The following BCAS3 variants were observed in gnomAD, a reference collection of about 807,000 sequenced individuals.
The protein encoded by BCAS3 is BCAS3 microtubule associated cell migration factor.
In BCAS3, 53 loss-of-function variants were observed where a neutral mutation model predicts 116.1. The observed-to-expected ratio is 0.46, with a 90% CI of 0.37 to 0.57. The LOEUF (loss-of-function observed/expected upper bound fraction) is 0.57, where lower values mean the gene tolerates loss of function less well. Ranked by LOEUF, BCAS3 falls within the 20% of genes least tolerant of loss-of-function variation. BCAS3 has a pLI of 0.00. For synonymous variants in BCAS3, 391 were observed against 408.2 expected, an observed-to-expected ratio of 0.96 and a Z score of 0.51; for missense variants, 917 against 1,165.4, an observed-to-expected ratio of 0.79 and a Z score of 3.10.
At chr17:60,973,999 A>G (rs1205994512) in intron 14 of BCAS3, among the ~76,000 whole-genome samples, 1 of 152,184 alleles carries the variant, frequency 6.6e-6, no homozygotes, top group Non-Finnish European at 1.5e-5. Flanking sequence ...TACCAGAGTT[A>G]TTATTTAAGT....
rs1015451839 is a variant in BCAS3 at position 61,378,860 on chromosome 17, CA to C, written c.2593+10367del. 1 of 152,322 alleles carries C rather than the reference CA, an allele frequency of 6.6e-6. No individual in the cohort carries two copies. The highest frequency in any genetic ancestry group is 2.4e-5 in the African/African-American group (1 of 41,468). 9.4% of individuals were successfully genotyped at this position (152,322 alleles called of 1,614,324 possible). On this transcript the variant is annotated intron_variant, in intron 23 of 23. Coordinates refer to ENST00000407086, the MANE Select transcript of BCAS3 (RefSeq NM_017679.5). The surrounding 1 kb of genome is among the most constrained non-coding windows in gnomAD (Gnocchi z 5.8). Reference sequence around the variant, plus strand: ...TCACTAAGGCTACTGGAAGCCCCGCCAGGGGCAGAGCTGTAATGGGAGTTTG... The same window carrying C: ...TCACTAAGGCTACTGGAAGCCCCGCCGGGGCAGAGCTGTAATGGGAGTTTG...
intron 22 of BCAS3, among the ~76,000 whole-genome samples, chr17:61,125,101 A>G (rs954582832): frequency 3.9e-5 from 6 of 152,218 alleles, no homozygotes; most frequent in African/African-American, 1.2e-4. Flanking sequence ...TTGAATGTCT[A>G]GGTATGTGTA....
At chr17:60,730,002 A>C (rs933990829) in intron 5 of BCAS3, among the ~76,000 whole-genome samples, 1 of 152,186 alleles carries the variant, frequency 6.6e-6, no homozygotes. Context: ...AGATCTTTTG[A>C]CTACCAAAGT....
chr17:61,024,051 T>C (rs1305797399), intron 16 of BCAS3, among the ~76,000 whole-genome samples: 2 of 152,170 alleles, frequency 1.3e-5, no homozygotes, highest in Admixed American at 6.5e-5. Flanking sequence ...TCATCTCACT[T>C]TAATACGAAA....
rs912143194 is a variant in BCAS3 at position 61,015,848 on chromosome 17, T to G, written c.1584T>G (p.Pro528=). ...TTCCCAGCTTGATGGTAGTGATGCC[T>G]CTTGCACAAATCAAGCAGCCAATGA... ...SPLPSLMVVM[P]LAQIKQPMTL... is the part of the protein sequence containing the mutation. Residue 528 remains proline (P), a synonymous_variant, in exon 16 of 24, where the codon CCT becomes CCG. Coordinates refer to ENST00000407086, the MANE Select transcript of BCAS3 (RefSeq NM_017679.5). 1.2e-6 allele frequency: 2 copies of G among 1,614,008 alleles called. No individual in the cohort carries two copies. Among genetic ancestry groups the G allele is most frequent in the African/African-American group, 2.7e-5 (2 of 74,916 alleles).
Position 61,104,468 on chromosome 17 carries a change from A to G in BCAS3, c.2425+19904A>G, listed in dbSNP as rs1297741644. Reference sequence around the variant, plus strand: ...TTGTTTCACTGTGGCACATAGGGCAAATGCCTTGGAACATCAGTAATTACT... The same window carrying G: ...TTGTTTCACTGTGGCACATAGGGCAGATGCCTTGGAACATCAGTAATTACT... On this transcript the variant is annotated intron_variant, in intron 22 of 23. Coordinates refer to ENST00000407086, the MANE Select transcript of BCAS3 (RefSeq NM_017679.5). This position sits in a 1 kb window ranked among gnomAD's most constrained non-coding sequence, Gnocchi z 4.1. 2.0e-5 allele frequency among the ~76,000 whole-genome samples: 3 copies of G among 152,330 alleles called. No homozygotes were observed. Among genetic ancestry groups the G allele is most frequent in the South Asian group, 4.1e-4 (2 of 4,828 alleles).
At chr17:61,185,272 A>G (rs1415226513) in intron 22 of BCAS3, among the ~76,000 whole-genome samples, 1 of 152,110 alleles carries the variant, frequency 6.6e-6, no homozygotes. Context: ...AAAATAAATA[A>G]TAAAATTGTA....
At chr17:61,311,456 G>T (rs2054298886) in intron 22 of BCAS3, among the ~76,000 whole-genome samples, 1 of 152,200 alleles carries the variant, frequency 6.6e-6, no homozygotes, top group Non-Finnish European at 1.5e-5. Context: ...CAGTCAGGCT[G>T]TTTGGTCTGT....
rs111369682 is a variant in BCAS3, at chr17:61,063,608, T to C, written c.2030-11312T>C. Among the ~76,000 whole-genome samples, 261 of 152,288 alleles carry C rather than the reference T, an allele frequency of 1.7e-3. 1 individual carries two copies. Among genetic ancestry groups the C allele is most frequent in the African/African-American group, 5.5e-3 (227 of 41,572 alleles). Reference sequence around the variant, plus strand: ...TGAAGAAATGCTTCAGGATCTTGTTTCCACTTGATTAAAATTTCCATTGAA... The same window carrying C: ...TGAAGAAATGCTTCAGGATCTTGTTCCCACTTGATTAAAATTTCCATTGAA... On this transcript the variant is annotated intron_variant, in intron 19 of 23. Coordinates refer to ENST00000407086, the MANE Select transcript of BCAS3 (RefSeq NM_017679.5). The surrounding 1 kb of genome is among the most constrained non-coding windows in gnomAD (Gnocchi z 5.3).
At chr17:61,334,790 G>A (rs1405986935) in intron 22 of BCAS3, among the ~76,000 whole-genome samples, 2 of 152,158 alleles carry the variant, frequency 1.3e-5, no homozygotes, top group African/African-American at 2.4e-5. Context: ...TGTATTTTTG[G>A]GAAACCTAAG....
intron 5 of BCAS3, among the ~76,000 whole-genome samples, chr17:60,717,067 G>A (rs563640902): frequency 4.7e-4 from 71 of 152,236 alleles, no homozygotes; most frequent in African/African-American, 1.7e-3. Flanking sequence ...TTTTATATAC[G>A]ATGGTCTGGG....
chr17:60,706,062 G>A (rs2037082738), intron 4 of BCAS3, among the ~76,000 whole-genome samples: 1 of 151,890 alleles, frequency 6.6e-6, no homozygotes, highest in East Asian at 1.9e-4. Flanking sequence ...AGACAAGGAT[G>A]AAGACTTTTT....
At position 61,134,505 on chromosome 17, in the gene BCAS3, T is replaced by G. The variant is rs1359624626; in HGVS notation, c.2425+49941T>G. ...TGTGACTCTGGTCAGTTAATCCATT[T>G]ATAAAATGAGAGTATTGGACTGAGC... On this transcript the variant is annotated intron_variant, in intron 22 of 23. Coordinates refer to ENST00000407086, the MANE Select transcript of BCAS3 (RefSeq NM_017679.5). This position sits in a 1 kb window ranked among gnomAD's most constrained non-coding sequence, Gnocchi z 4.6. Among the ~76,000 whole-genome samples the G allele has an allele frequency of 2.0e-5, 3 of 152,226 alleles. No homozygotes were observed. Among genetic ancestry groups the G allele is most frequent in the Non-Finnish European group, 4.4e-5 (3 of 68,028 alleles).
chr17:61,170,841 G>A (rs906683691), intron 22 of BCAS3, among the ~76,000 whole-genome samples: 6 of 151,882 alleles, frequency 4.0e-5, no homozygotes, highest in South Asian at 2.1e-4. Flanking sequence ...AGCTGTACAC[G>A]GAGAGAGAAC....
intron 22 of BCAS3, among the ~76,000 whole-genome samples, chr17:61,338,619 G>A (rs2056903141): frequency 6.6e-6 from 1 of 152,006 alleles, no homozygotes; most frequent in African/African-American, 2.4e-5. Flanking sequence ...GTGGAGGTAG[G>A]GGCTTTTGGA....
chr17:60,868,127 G>A (rs1003765367), intron 7 of BCAS3, among the ~76,000 whole-genome samples: 2 of 151,328 alleles, frequency 1.3e-5, no homozygotes, highest in Non-Finnish European at 2.9e-5. Flanking sequence ...AGGTTCAAGC[G>A]ATTCTCCTGC....
At position 60,863,482 on chromosome 17, in the gene BCAS3, C is replaced by T. The variant is rs377126012; in HGVS notation, c.477-5094C>T. 7.2e-5 allele frequency among the ~76,000 whole-genome samples: 11 copies of T among 151,950 alleles called. No homozygotes were observed. The East Asian group carries it at 1.3e-3, about 19-fold the overall frequency. ...TTATGTTTGGCTAGGCTCGGTGGCT[C>T]ATTCCTGTAATTCCAGCACTTTGGG... On this transcript the variant is annotated intron_variant, in intron 7 of 23. Transcript: ENST00000407086.
At position 61,020,215 on chromosome 17, in the gene BCAS3, G is replaced by C. The variant is rs555912129; in HGVS notation, c.1637+4314G>C. On this transcript the variant is annotated intron_variant, in intron 16 of 23. Coordinates refer to ENST00000407086, the MANE Select transcript of BCAS3 (RefSeq NM_017679.5). The surrounding 1 kb of genome is among the most constrained non-coding windows in gnomAD (Gnocchi z 4.5). ...AACTTAAACCTTAAGGGGACAAAAC[G>C]TGTGTTTACCATATTCAACATCTGC... 6.6e-6 allele frequency among the ~76,000 whole-genome samples: 1 copy of C among 152,162 alleles called. No homozygotes were observed. The highest frequency in any genetic ancestry group is 1.5e-5 in the Non-Finnish European group (1 of 68,030).
In BCAS3 at chr17:60,958,803, A is replaced by G. The variant is rs545538699; in HGVS notation, c.1221+11451A>G. On this transcript the variant is annotated intron_variant, in intron 14 of 23. Transcript: ENST00000407086. ...TATATCAAGACTTACTAAAACTACAATAATCAGTAGGGATCCTGTGACCAT... is the reference window on the plus strand; with the variant it reads ...TATATCAAGACTTACTAAAACTACAGTAATCAGTAGGGATCCTGTGACCAT... 5.9e-5 allele frequency among the ~76,000 whole-genome samples: 9 copies of G among 152,366 alleles called. No individual in the cohort carries two copies. In the South Asian group the frequency reaches 1.2e-3, roughly 21 times the overall value.
Sources: allele counts gnomAD v4.1 joint callset (sites outside exome capture counted in the v4.1 genomes callset), GRCh38; gene constraint gnomAD v4.1.1; non-coding constraint Gnocchi (gnomAD v3.1); transcripts MANE v1.5; gene names NCBI Gene and HGNC (gene_info 2026-07-23, HGNC 2026-07-21).